TRIM9: variants seen among roughly 807,000 people sequenced by gnomAD.
TRIM9 encodes tripartite motif containing 9.
Under a neutral mutation model 78.3 loss-of-function variants are expected in TRIM9, and 26 were observed. The observed-to-expected ratio is 0.33, with a 90% CI of 0.24 to 0.46. The LOEUF is 0.46. Among genes scored for constraint, TRIM9 ranks in the 20% least tolerant of loss-of-function variants. TRIM9 has a pLI of 1.00. For missense variants in TRIM9, 787 were observed against 1,036.4 expected (o/e 0.76, Z 3.30); for synonymous variants, 398 against 416.5 (o/e 0.96, Z 0.54).
chr14:51,031,147 C>CAAAAAAAAAAAAAAAAAAAA (rs1210514761), intron 1 of TRIM9, among the ~76,000 whole-genome samples: 3 of 100,726 alleles, frequency 3.0e-5, no homozygotes, highest in African/African-American at 4.0e-5. Flanking sequence ...AAACTCTTTC[C>CAAAAAAAAAAAAAAAAAAAA]AAAAAAAAAA....
chr14:51,053,544 C>A (rs1447638143), intron 1 of TRIM9, among the ~76,000 whole-genome samples: 6 of 120,536 alleles, frequency 5.0e-5, no homozygotes, highest in South Asian at 2.6e-4. Flanking sequence ...GTTAACATTA[C>A]ATTTATTTAT....
At chr14:51,049,190 T>C (rs2060192754) in intron 1 of TRIM9, among the ~76,000 whole-genome samples, 1 of 152,154 alleles carries the variant, frequency 6.6e-6, no homozygotes, top group Non-Finnish European at 1.5e-5. Context: ...GCCTCCTGAG[T>C]AGCTGGGACT....
chr14:51,011,734 T>C (rs574834277), intron 3 of TRIM9, among the ~76,000 whole-genome samples: 41 of 152,350 alleles, frequency 2.7e-4, no homozygotes, highest in African/African-American at 9.4e-4. Flanking sequence ...AGGAAATAGA[T>C]GAGAAAAAGC....
At chr14:51,018,831 A>T (rs962379206) in intron 3 of TRIM9, among the ~76,000 whole-genome samples, 1 of 152,060 alleles carries the variant, frequency 6.6e-6, no homozygotes, top group Non-Finnish European at 1.5e-5. Context: ...TAACTGTAAC[A>T]TTTTTTTTCT....
intron 7 of TRIM9, among the ~76,000 whole-genome samples, chr14:50,989,839 C>T (rs1596109401): frequency 1.3e-5 from 2 of 152,042 alleles, no homozygotes; most frequent in African/African-American, 4.8e-5. Context: ...GACTTCTTTC[C>T]CTTCCTCACT....
chr14:50,986,340 A>C (rs187202431), intron 7 of TRIM9, 196 bp from the exon 8 acceptor site: 2 of 398,404 alleles, frequency 5.0e-6, no homozygotes, highest in Non-Finnish European at 8.8e-6. Flanking sequence ...ACCCAAGACC[A>C]GAGGACACCT....
chr14:51,063,795 A>G lies in TRIM9; in HGVS notation c.822+30323T>C, dbSNP rs1227438920. Among the ~76,000 whole-genome samples, 4 of 152,172 alleles carry G rather than the reference A, an allele frequency of 2.6e-5. No individual in the cohort carries two copies. The East Asian group carries it at 7.7e-4, about 29-fold the overall frequency. On this transcript the variant is annotated intron_variant, in intron 1 of 12. Coordinates refer to ENST00000684578, the MANE Select transcript of TRIM9 (RefSeq NM_001387360.1). The stretch of plus-strand genomic sequence containing the variant: ...CATTTTTAGATAAATAGAAGCTAAG[A>G]CAATTTGTTTCCAGGAGATTTATAC...
intron 1 of TRIM9, among the ~76,000 whole-genome samples, chr14:51,030,615 C>T (rs1440006335): frequency 2.0e-5 from 3 of 151,670 alleles, no homozygotes; most frequent in East Asian, 3.9e-4. Flanking sequence ...GTGCATATGC[C>T]TGTGAGTGTG....
intron 6 of TRIM9, 77 bp downstream of exon 6, chr14:51,000,606 C>G: frequency 6.4e-7 from 1 of 1,574,062 alleles, no homozygotes; most frequent in South Asian, 1.2e-5. Context: ...GGGAAGCCAG[C>G]CCTGAGACTC....
At chr14:51,043,325 C>G (rs28487585) in intron 1 of TRIM9, among the ~76,000 whole-genome samples, 34,827 of 152,134 alleles carry the variant, frequency 0.23, 4,550 homozygotes, top group Non-Finnish European at 0.29. Flanking sequence ...CTGAGACATG[C>G]AGCCGGAGGA....
intron 7 of TRIM9, among the ~76,000 whole-genome samples, chr14:50,989,498 G>A (rs2053196168): frequency 6.6e-6 from 1 of 152,054 alleles, no homozygotes; most frequent in Non-Finnish European, 1.5e-5. Context: ...ACAAAGCTAT[G>A]TTTCAGGTCA....
chr14:51,076,891 G>A (rs765007336), intron 1 of TRIM9, among the ~76,000 whole-genome samples: 6 of 152,160 alleles, frequency 3.9e-5, no homozygotes, highest in Non-Finnish European at 5.9e-5. Flanking sequence ...GTAGACCCTG[G>A]AACAGATTCT....
intron 5 of TRIM9, among the ~76,000 whole-genome samples, chr14:51,005,414 T>C (rs1478278638): frequency 6.6e-6 from 1 of 152,250 alleles, no homozygotes; most frequent in Non-Finnish European, 1.5e-5. Flanking sequence ...TAGGTCATTG[T>C]TTCGTCCTGG....
In TRIM9 at chr14:51,073,749, A is replaced by C. The variant is rs868144292; in HGVS notation, c.822+20369T>G. Among the ~76,000 whole-genome samples, 9 of 152,340 alleles carry C rather than the reference A, an allele frequency of 5.9e-5. No homozygotes were observed. The South Asian group carries it at 1.4e-3, about 25-fold the overall frequency. On this transcript the variant is annotated intron_variant, in intron 1 of 12. Coordinates refer to ENST00000684578, the MANE Select transcript of TRIM9 (RefSeq NM_001387360.1). ...TTACACAGGTGTGATCAGTTTGTGGAAATTCATTGAAATGTACATTCATGA... is the reference window on the plus strand; with the variant it reads ...TTACACAGGTGTGATCAGTTTGTGGCAATTCATTGAAATGTACATTCATGA...
intron 3 of TRIM9, among the ~76,000 whole-genome samples, chr14:51,011,787 A>T (rs941294907): frequency 6.6e-6 from 1 of 152,184 alleles, no homozygotes; most frequent in African/African-American, 2.4e-5. Context: ...AAGTACTTTG[A>T]CATTTCTTTT....
intron 1 of TRIM9, among the ~76,000 whole-genome samples, chr14:51,072,782 T>A (rs1389828850): frequency 6.6e-6 from 1 of 152,192 alleles, no homozygotes; most frequent in African/African-American, 2.4e-5. Context: ...CCTAAATTGC[T>A]TTATAATATT....
chr14:51,008,650 T>C (rs895306065), intron 5 of TRIM9, among the ~76,000 whole-genome samples: 1 of 152,252 alleles, frequency 6.6e-6, no homozygotes, highest in Non-Finnish European at 1.5e-5. Context: ...CCAACTGTGA[T>C]CCTCTCAAAT....
In TRIM9 at chr14:51,044,536, C is replaced by G. The variant is rs557474047; in HGVS notation, c.823-19176G>C. Among the ~76,000 whole-genome samples, 11 of 152,168 alleles carry G rather than the reference C, an allele frequency of 7.2e-5. 1 individual carries two copies. The South Asian group carries it at 2.3e-3, about 32-fold the overall frequency. ...CCTTTCCCCATTTTATTCTTTCTGC[C>G]CTCTGAGTCATGGCCTTAACGACTG... On this transcript the variant is annotated intron_variant, in intron 1 of 12. Transcript: ENST00000684578.
intron 1 of TRIM9, among the ~76,000 whole-genome samples, chr14:51,049,602 T>G (rs1596266504): frequency 6.6e-6 from 1 of 151,204 alleles, no homozygotes; most frequent in South Asian, 2.1e-4. Flanking sequence ...CCGAGAGGGG[T>G]GGATCATGAG....
Sources: gnomAD v4.1 joint callset for allele counts (sites outside exome capture counted in the v4.1 genomes callset) on GRCh38, gnomAD v4.1.1 for gene constraint, MANE v1.5 for transcripts, NCBI Gene and HGNC (gene_info 2026-07-23, HGNC 2026-07-21) for gene names.